The following GRIK1 variants were observed in gnomAD, a reference collection of about 807,000 sequenced individuals.
GRIK1 encodes glutamate receptor ionotropic, kainate 1.
A neutral mutation model predicts 105.7 loss-of-function variants in GRIK1; 69 were observed. The ratio of observed to expected loss-of-function variants is 0.65; its 90% CI spans 0.54 to 0.80. The LOEUF is 0.80. Among genes scored for constraint, GRIK1 ranks in the 30% least tolerant of loss-of-function variants. The pLI is 0.00. For synonymous variants in GRIK1, 438 were observed against 431.3 expected, an observed-to-expected ratio of 1.02 and a Z score of -0.19; for missense variants, 1,109 against 1,167.3, an observed-to-expected ratio of 0.95 and a Z score of 0.73.
At chr21:29,751,792 T>C (rs2065209625) in intron 1 of GRIK1, among the ~76,000 whole-genome samples, 1 of 152,208 alleles carries the variant, frequency 6.6e-6, no homozygotes, top group African/African-American at 2.4e-5. Flanking sequence ...TCTGACCAGT[T>C]TGTTAATGAC....
chr21:29,832,996 G>A (rs914261420), intron 1 of GRIK1, among the ~76,000 whole-genome samples: 2 of 152,138 alleles, frequency 1.3e-5, no homozygotes, highest in Admixed American at 6.6e-5. Flanking sequence ...GTCACTTCTT[G>A]AACATTTTAC....
intron 1 of GRIK1, among the ~76,000 whole-genome samples, chr21:29,775,554 C>T (rs1013914417): frequency 3.9e-5 from 6 of 152,096 alleles, no homozygotes; most frequent in African/African-American, 1.4e-4. Context: ...ATTTCCCTGC[C>T]AGCCCTCACA....
chr21:29,671,870 G>A (rs1342470769), intron 4 of GRIK1, among the ~76,000 whole-genome samples: 1 of 151,666 alleles, frequency 6.6e-6, no homozygotes, highest in East Asian at 1.9e-4. Flanking sequence ...TATTTTAAAC[G>A]TCTCACTAGC....
chr21:29,587,294 T>C, intron 12 of GRIK1, 72 bp downstream of exon 12: 2 of 891,338 alleles, frequency 2.2e-6, no homozygotes, highest in Non-Finnish European at 3.6e-6. Flanking sequence ...CTAATTTTTG[T>C]CTGCCTCTGG....
At position 29,620,521 on chromosome 21, in the gene GRIK1, A is replaced by G. The variant is rs148783713; in HGVS notation, c.1099-21584T>C. 1.9e-3 allele frequency among the ~76,000 whole-genome samples: 290 copies of G among 152,206 alleles called. 1 individual carries two copies. The highest frequency in any genetic ancestry group is 6.5e-3 in the African/African-American group (268 of 41,522). On this transcript the variant is annotated intron_variant, in intron 7 of 17. Transcript: ENST00000327783. ...ATGCTGTACCCTTTGAGGGCAAAGC[A>G]CTTCGTTAGACTTGCTTCCAGAGAG... is the stretch of plus-strand genomic sequence containing the variant.
intron 7 of GRIK1, among the ~76,000 whole-genome samples, chr21:29,610,153 G>A (rs1211684416): frequency 6.6e-6 from 1 of 152,152 alleles, no homozygotes; most frequent in East Asian, 1.9e-4. Flanking sequence ...CAGATGTTGG[G>A]CACTCAGAGA....
intron 4 of GRIK1, among the ~76,000 whole-genome samples, chr21:29,655,920 G>A (rs546864413): frequency 1.3e-5 from 2 of 152,216 alleles, no homozygotes; most frequent in South Asian, 2.1e-4. Context: ...TTGGAGTCCC[G>A]GAAATGGTGT....
chr21:29,731,787 A>G (rs2064632900), intron 1 of GRIK1, among the ~76,000 whole-genome samples: 1 of 152,220 alleles, frequency 6.6e-6, no homozygotes, highest in Non-Finnish European at 1.5e-5. Flanking sequence ...ATACCATCTT[A>G]AAATGAGTTA....
intron 1 of GRIK1, among the ~76,000 whole-genome samples, chr21:29,880,804 G>A (rs796092610): frequency 2.0e-4 from 31 of 152,200 alleles, no homozygotes; most frequent in African/African-American, 7.0e-4. Context: ...CCAGGAGCAG[G>A]GCATGAGCTC....
At chr21:29,887,803 G>A (rs1217771715) in intron 1 of GRIK1, among the ~76,000 whole-genome samples, 1 of 152,066 alleles carries the variant, frequency 6.6e-6, no homozygotes, top group Non-Finnish European at 1.5e-5. Context: ...GAAGGGGAAT[G>A]TGGAAGAAAT....
At chr21:29,761,136 C>G (rs1264756722) in intron 1 of GRIK1, 1 of 152,210 alleles carries the variant, frequency 6.6e-6, no homozygotes, top group African/African-American at 2.4e-5. Flanking sequence ...TCAGAAACTC[C>G]TCATTTCTCC....
chr21:29,829,726 G>T (rs757564198), intron 1 of GRIK1, among the ~76,000 whole-genome samples: 47 of 152,130 alleles, frequency 3.1e-4, no homozygotes, highest in Non-Finnish European at 7.3e-5. Context: ...CATGCTGTCA[G>T]ATATGAATTA....
chr21:29,902,337 G>A (rs886257972), intron 1 of GRIK1, among the ~76,000 whole-genome samples: 6 of 152,176 alleles, frequency 3.9e-5, no homozygotes, highest in African/African-American at 9.7e-5. Context: ...TATTCAAACA[G>A]GAAGAGAGGA....
At chr21:29,597,606 T>C (rs201941746) in intron 8 of GRIK1, 2 of 456,334 alleles carry the variant, frequency 4.4e-6, no homozygotes, top group Non-Finnish European at 9.1e-6. Context: ...ACTGGCTGGA[T>C]GCCCTGTGCT....
chr21:29,703,691 G>A (rs191659769), intron 1 of GRIK1, among the ~76,000 whole-genome samples: 78 of 152,350 alleles, frequency 5.1e-4, no homozygotes, highest in Non-Finnish European at 1.0e-3. Context: ...CTGATGGAAA[G>A]TGAATGGACA....
chr21:29,634,680 A>G (rs994829198), intron 7 of GRIK1, among the ~76,000 whole-genome samples: 7 of 152,204 alleles, frequency 4.6e-5, no homozygotes. Flanking sequence ...TACGGAGTTG[A>G]AAGCAGGATA....
chr21:29,873,968 A>G (rs535098563), intron 1 of GRIK1, among the ~76,000 whole-genome samples: 1 of 152,212 alleles, frequency 6.6e-6, no homozygotes, highest in Non-Finnish European at 1.5e-5. Flanking sequence ...CGCACAACCC[A>G]GATCCCTCAC....
chr21:29,684,252 C>CTCTATCTATCTA (rs59976698), intron 3 of GRIK1, among the ~76,000 whole-genome samples: 47 of 149,388 alleles, frequency 3.1e-4, no homozygotes, highest in South Asian at 1.1e-3. Flanking sequence ...AATCTATCAT[C>CTCTATCTATCTA]TCTATCTATC....
intron 1 of GRIK1, among the ~76,000 whole-genome samples, chr21:29,768,609 T>C (rs1056295138): frequency 1.3e-5 from 2 of 152,148 alleles, no homozygotes; most frequent in African/African-American, 2.4e-5. Flanking sequence ...GGTGTTAATG[T>C]CCTCCGCCTC....
Sources: gnomAD v4.1 joint callset for allele counts (sites outside exome capture counted in the v4.1 genomes callset) on GRCh38, gnomAD v4.1.1 for gene constraint, MANE v1.5 for transcripts, NCBI Gene and HGNC (gene_info 2026-07-23, HGNC 2026-07-21) for gene names.